ENTREP2: variants seen among roughly 807,000 people sequenced by gnomAD.
ENTREP2 encodes protein ENTREP2.
At chr15:29,563,598 A>G in the ENTREP2 span, among the ~76,000 whole-genome samples, 100,484 of 151,990 alleles carry the variant, frequency 0.66, 33,449 homozygotes, top group Middle Eastern at 0.72. Flanking sequence ...TTGGGAGGCC[A>G]AGGCTGGTGG....
the ENTREP2 span, among the ~76,000 whole-genome samples, chr15:29,543,034 A>G: frequency 6.6e-6 from 1 of 152,334 alleles, no homozygotes; most frequent in South Asian, 2.1e-4. Flanking sequence ...TGTTATGAAC[A>G]TGGATAAACA....
chr15:29,658,186 G>A, the ENTREP2 span, among the ~76,000 whole-genome samples: 1 of 152,272 alleles, frequency 6.6e-6, no homozygotes, highest in Admixed American at 6.5e-5. Context: ...TCCTGTTCTT[G>A]TGATAGTGAG....
the ENTREP2 span, among the ~76,000 whole-genome samples, chr15:29,371,623 T>C: frequency 6.6e-6 from 1 of 152,112 alleles, no homozygotes; most frequent in Non-Finnish European, 1.5e-5. Context: ...GAGTGTTTCA[T>C]AAAATGTGAA....
chr15:29,541,529 C>T, the ENTREP2 span, among the ~76,000 whole-genome samples: 1 of 152,052 alleles, frequency 6.6e-6, no homozygotes. Context: ...AGAGGAGAGG[C>T]GGGGAGAGCC....
the ENTREP2 span, among the ~76,000 whole-genome samples, chr15:29,382,256 C>T: frequency 8.5e-6 from 1 of 117,014 alleles, no homozygotes; most frequent in Admixed American, 7.6e-5. Flanking sequence ...AGCGAGACTC[C>T]ATCTCAAAAA....
chr15:29,262,095 A>AAG, the ENTREP2 span, among the ~76,000 whole-genome samples: 6,165 of 143,800 alleles, frequency 0.043, 456 homozygotes, highest in African/African-American at 0.14. Flanking sequence ...AAAAAAAAAA[A>AAG]GGGCGAAGGC....
the ENTREP2 span, among the ~76,000 whole-genome samples, chr15:29,451,025 G>T: frequency 6.6e-6 from 1 of 152,036 alleles, no homozygotes; most frequent in African/African-American, 2.4e-5. Context: ...GTACTCAGGT[G>T]AGGAAATAAT....
the ENTREP2 span, among the ~76,000 whole-genome samples, chr15:29,646,285 C>T: frequency 6.6e-6 from 1 of 152,174 alleles, no homozygotes; most frequent in Non-Finnish European, 1.5e-5. Context: ...TGCTCAAGGT[C>T]TCACAAAGCT....
the ENTREP2 span, among the ~76,000 whole-genome samples, chr15:29,193,333 G>C: frequency 6.6e-6 from 1 of 152,148 alleles, no homozygotes; most frequent in Non-Finnish European, 1.5e-5. Context: ...CTGGGGACCT[G>C]GATAGAACAA....
the ENTREP2 span, among the ~76,000 whole-genome samples, chr15:29,316,111 T>A: frequency 6.6e-6 from 1 of 152,224 alleles, no homozygotes; most frequent in Non-Finnish European, 1.5e-5. Flanking sequence ...ATGTCTTATA[T>A]AATTATGAAA....
At chr15:29,228,454 T>G in the ENTREP2 span, among the ~76,000 whole-genome samples, 1 of 152,132 alleles carries the variant, frequency 6.6e-6, no homozygotes, top group East Asian at 1.9e-4. Flanking sequence ...AGCAGAGAAA[T>G]GAAAAGTTAT....
chr15:29,137,120 C>T, the ENTREP2 span: 1 of 1,473,330 alleles, frequency 6.8e-7, no homozygotes, highest in South Asian at 1.4e-5. Flanking sequence ...CGTCGAAATC[C>T]AGGGTCTGGT....
At chr15:29,573,640 TCC>T in the ENTREP2 span, among the ~76,000 whole-genome samples, 8 of 150,768 alleles carry the variant, frequency 5.3e-5, no homozygotes, top group Admixed American at 1.3e-4. Context: ...TCTCTCTCTC[TCC>T]CCCCCTCTCT....
chr15:29,386,286 C>A, the ENTREP2 span, among the ~76,000 whole-genome samples: 1 of 152,196 alleles, frequency 6.6e-6, no homozygotes, highest in Non-Finnish European at 1.5e-5. Context: ...CCCACTGAGG[C>A]TTTGGGACCT....
the ENTREP2 span, among the ~76,000 whole-genome samples, chr15:29,440,184 T>C: frequency 0.02 from 3,077 of 152,184 alleles, 129 homozygotes; most frequent in African/African-American, 0.07. Flanking sequence ...AGTAGAAAAA[T>C]TGGTGAAATC....
At chr15:29,645,997 TG>T in the ENTREP2 span, among the ~76,000 whole-genome samples, 1 of 152,206 alleles carries the variant, frequency 6.6e-6, no homozygotes, top group African/African-American at 2.4e-5. Flanking sequence ...CAGGTCACAC[TG>T]GAAGCAGGGC....
chr15:29,587,190 T>TGTGTGTGTG, the ENTREP2 span, among the ~76,000 whole-genome samples: 8 of 142,844 alleles, frequency 5.6e-5, no homozygotes, highest in Non-Finnish European at 1.1e-4. Flanking sequence ...TGTGTGTGTG[T>TGTGTGTGTG]TTCGTAGCTC....
At chr15:29,224,442 C>T in the ENTREP2 span, among the ~76,000 whole-genome samples, 1 of 152,150 alleles carries the variant, frequency 6.6e-6, no homozygotes, top group South Asian at 2.1e-4. Context: ...TCTTATTTGG[C>T]CCCACCCACA....
the ENTREP2 span, among the ~76,000 whole-genome samples, chr15:29,345,451 C>T: frequency 2.0e-5 from 3 of 152,004 alleles, no homozygotes; most frequent in Non-Finnish European, 4.4e-5. Flanking sequence ...ACCTCCGCTC[C>T]CCGCCAAGGC....
Sources: allele counts gnomAD v4.1 joint callset (sites outside exome capture counted in the v4.1 genomes callset), GRCh38; gene constraint gnomAD v4.1.1; transcripts MANE v1.5; gene names NCBI Gene and HGNC (gene_info 2026-07-23, HGNC 2026-07-21).